The following FBXO4 variants were observed in gnomAD, a reference collection of about 807,000 sequenced individuals.
FBXO4 encodes F-box protein 4.
Under a neutral mutation model 43.7 loss-of-function variants are expected in FBXO4, and 36 were observed. The observed-to-expected ratio is 0.82, with a 90% CI of 0.63 to 1.09. FBXO4 has a LOEUF of 1.09. Ranked by LOEUF, FBXO4 falls within the 50% of genes least tolerant of loss-of-function variation. The pLI is 0.00. For missense variants in FBXO4, 435 were observed against 474.1 expected, an observed-to-expected ratio of 0.92 and a Z score of 0.77; for synonymous variants, 180 against 165.6, an observed-to-expected ratio of 1.09 and a Z score of -0.67.
Position 41,929,849 on chromosome 5 carries a change from T to C in FBXO4, c.578T>C (p.Leu193Ser). The C allele has an allele frequency of 1.2e-6, 2 of 1,614,172 alleles. No homozygotes were observed. The highest frequency in any genetic ancestry group is 1.7e-6 in the Non-Finnish European group (2 of 1,180,030). The stretch of plus-strand genomic sequence containing the variant: ...GGTTTGGAAGAATTGAATACCTCTT[T>C]GGTGTTGAGCTTGATGTCTTCAGAG... ...GPGLEELNTSLVLSLMSSEEL... is the reference protein window; with the variant it reads ...GPGLEELNTSSVLSLMSSEEL... The change falls in exon 3 of 7, where the codon TTG becomes TCG. Residue 193 changes from leucine (L) to serine (S), a missense_variant. Physicochemically the swap from Leu to Ser is moderately radical, Grantham distance 145. Coordinates refer to ENST00000281623, the MANE Select transcript of FBXO4 (RefSeq NM_012176.3).
chr5:42,001,099 G>T, the FBXO4 span, among the ~76,000 whole-genome samples: 4 of 152,092 alleles, frequency 2.6e-5, no homozygotes, highest in Admixed American at 2.6e-4. Context: ...TTATTTTTGT[G>T]TTTCTGTAAA....
chr5:42,037,246 G>T, the FBXO4 span, among the ~76,000 whole-genome samples: 2 of 151,914 alleles, frequency 1.3e-5, no homozygotes, highest in Non-Finnish European at 2.9e-5. Flanking sequence ...TTATTTGAGG[G>T]GATTATTTGA....
downstream of FBXO4, among the ~76,000 whole-genome samples, chr5:41,946,700 C>A (rs1199447660): frequency 6.6e-6 from 1 of 151,888 alleles, no homozygotes; most frequent in Non-Finnish European, 1.5e-5. Flanking sequence ...TTTCTTTTAC[C>A]AAAAAAACAA....
the FBXO4 span, among the ~76,000 whole-genome samples, chr5:41,994,655 T>A: frequency 6.6e-6 from 1 of 152,192 alleles, no homozygotes; most frequent in Non-Finnish European, 1.5e-5. Flanking sequence ...TGATTTCATC[T>A]TGATAGTCCA....
At chr5:41,965,108 C>T in the FBXO4 span, among the ~76,000 whole-genome samples, 9 of 152,130 alleles carry the variant, frequency 5.9e-5, no homozygotes, top group Non-Finnish European at 1.0e-4. Context: ...ATATGGCTAG[C>T]CAGTTTTCCC....
chr5:41,931,416 T>C (rs1751683846), intron 3 of FBXO4, among the ~76,000 whole-genome samples: 1 of 152,022 alleles, frequency 6.6e-6, no homozygotes, highest in Admixed American at 6.6e-5. Flanking sequence ...TTAAGAAAAA[T>C]TTGGAAGGGG....
the FBXO4 span, among the ~76,000 whole-genome samples, chr5:42,005,953 C>T: frequency 0.011 from 1,678 of 152,182 alleles, 28 homozygotes; most frequent in African/African-American, 0.033. Context: ...TGTGACCTAA[C>T]ATTTACTGAT....
At chr5:42,013,281 A>G in the FBXO4 span, among the ~76,000 whole-genome samples, 3 of 152,136 alleles carry the variant, frequency 2.0e-5, no homozygotes, top group Admixed American at 2.0e-4. Flanking sequence ...CCCCATCTCA[A>G]AAAGAAAGAT....
chr5:41,999,347 A>G, the FBXO4 span, among the ~76,000 whole-genome samples: 1 of 147,996 alleles, frequency 6.8e-6, no homozygotes, highest in Non-Finnish European at 1.5e-5. Flanking sequence ...GTACCAAAAT[A>G]TGTATTAGTT....
At chr5:41,952,991 T>C in the FBXO4 span, among the ~76,000 whole-genome samples, 1 of 151,726 alleles carries the variant, frequency 6.6e-6, no homozygotes, top group Non-Finnish European at 1.5e-5. Context: ...TCATTGATTA[T>C]TTTTTCTTTT....
chr5:41,934,669 T>G, intron 5 of FBXO4: 1 of 1,089,694 alleles, frequency 9.2e-7, no homozygotes, highest in Non-Finnish European at 1.1e-6. Flanking sequence ...CTGCATTTTT[T>G]TGATACTGAC....
At chr5:41,974,148 T>C in the FBXO4 span, among the ~76,000 whole-genome samples, 1 of 152,190 alleles carries the variant, frequency 6.6e-6, no homozygotes, top group African/African-American at 2.4e-5. Flanking sequence ...TTCTTCTTTG[T>C]CTTTTGCTTT....
the FBXO4 span, among the ~76,000 whole-genome samples, chr5:41,975,967 C>A: frequency 1.3e-5 from 2 of 151,976 alleles, no homozygotes; most frequent in African/African-American, 4.8e-5. Flanking sequence ...TGGAAGGAGA[C>A]AAAGACACAG....
chr5:41,992,402 T>C, the FBXO4 span, among the ~76,000 whole-genome samples: 34 of 152,332 alleles, frequency 2.2e-4, no homozygotes, highest in South Asian at 3.5e-3. Context: ...ATATGTTTTT[T>C]CTATTGGGAA....
the FBXO4 span, among the ~76,000 whole-genome samples, chr5:41,999,555 A>ATATACG: frequency 7.2e-3 from 870 of 121,576 alleles, 27 homozygotes; most frequent in African/African-American, 0.03. Flanking sequence ...GTATATATAT[A>ATATACG]TATATATGTA....
intron 6 of FBXO4, among the ~76,000 whole-genome samples, chr5:41,940,292 C>T (rs1751972254): frequency 6.6e-6 from 1 of 151,970 alleles, no homozygotes. Context: ...GTGACAGGGT[C>T]TCGCTCTCAC....
the FBXO4 span, among the ~76,000 whole-genome samples, chr5:42,021,943 T>C: frequency 6.6e-6 from 1 of 152,172 alleles, no homozygotes; most frequent in African/African-American, 2.4e-5. Context: ...CTCCTGTTGA[T>C]GGTGAGAGCA....
chr5:42,009,839 G>T, the FBXO4 span, among the ~76,000 whole-genome samples: 1 of 152,226 alleles, frequency 6.6e-6, no homozygotes, highest in East Asian at 1.9e-4. Context: ...CATATATGTT[G>T]TTATGCAATT....
the FBXO4 span, among the ~76,000 whole-genome samples, chr5:42,006,797 C>T: frequency 6.7e-6 from 1 of 149,604 alleles, no homozygotes; most frequent in African/African-American, 2.5e-5. Flanking sequence ...GTTGAAGATA[C>T]ACAAAGAAAT....
Sources: allele counts gnomAD v4.1 joint callset (sites outside exome capture counted in the v4.1 genomes callset), GRCh38; gene constraint gnomAD v4.1.1; transcripts MANE v1.5; gene names NCBI Gene and HGNC (gene_info 2026-07-23, HGNC 2026-07-21).